Variants in LRP6 observed in about 807,000 individuals in gnomAD.
The protein encoded by LRP6 is LDL receptor related protein 6.
Under a neutral mutation model 184.1 loss-of-function variants are expected in LRP6, and 43 were observed. That is an observed-to-expected ratio of 0.23 (90% CI 0.18 to 0.30). The LOEUF (loss-of-function observed/expected upper bound fraction) is 0.30. Among genes scored for constraint, LRP6 ranks in the 10% least tolerant of loss-of-function variants. The pLI, the probability that LRP6 is intolerant of heterozygous loss-of-function variation, is 1.00. For missense variants in LRP6, 1,571 were observed against 2,005.3 expected (o/e 0.78, Z 4.14); for synonymous variants, 719 against 684.9 (o/e 1.05, Z -0.78).
At chr12:12,181,015 A>T in intron 6 of LRP6, 28 bp downstream of exon 6, 1 of 1,613,728 alleles carries the variant, frequency 6.2e-7, no homozygotes, top group South Asian at 1.1e-5. Flanking sequence ...AACACCACAC[A>T]GAATTTACTA....
At chr12:12,193,449 G>A (rs1863669264) in intron 3 of LRP6, among the ~76,000 whole-genome samples, 1 of 150,942 alleles carries the variant, frequency 6.6e-6, no homozygotes, top group African/African-American at 2.4e-5. Context: ...GAAGCTGGTT[G>A]TTCTTTGAAA....
intron 3 of LRP6, among the ~76,000 whole-genome samples, chr12:12,193,595 C>T (rs1402556962): frequency 2.6e-5 from 4 of 151,690 alleles, no homozygotes; most frequent in Admixed American, 1.3e-4. Context: ...TTAGGCAATA[C>T]CATAAACAAC....
chr12:12,254,284 G>C (rs1199364441), intron 1 of LRP6, among the ~76,000 whole-genome samples: 1 of 152,046 alleles, frequency 6.6e-6, no homozygotes, highest in Non-Finnish European at 1.5e-5. Context: ...CAAACAGCTA[G>C]TAGAAAAACA....
intron 3 of LRP6, among the ~76,000 whole-genome samples, chr12:12,198,925 T>C (rs1308008581): frequency 1.3e-5 from 2 of 152,180 alleles, no homozygotes; most frequent in Non-Finnish European, 2.9e-5. Flanking sequence ...AAAAATTTAT[T>C]GAAGATTTGA....
At chr12:12,123,674 T>G (rs1480348530) in intron 22 of LRP6, among the ~76,000 whole-genome samples, 2 of 152,212 alleles carry the variant, frequency 1.3e-5, no homozygotes, top group African/African-American at 2.4e-5. Flanking sequence ...AAGTGGAAGC[T>G]GACACAACAG....
chr12:12,161,454 G>A (rs1452709492), intron 10 of LRP6, among the ~76,000 whole-genome samples: 1 of 152,058 alleles, frequency 6.6e-6, no homozygotes, highest in Non-Finnish European at 1.5e-5. Context: ...ATCTTTAGTA[G>A]TTACGGGGTT....
At chr12:12,180,978 T>C (rs941998169) in intron 6 of LRP6, 65 bp downstream of exon 6, 1 of 1,560,028 alleles carries the variant, frequency 6.4e-7, no homozygotes, top group African/African-American at 1.4e-5. Context: ...TCTTAGTCAA[T>C]GTTTTCAGGA....
chr12:12,184,103 G>A lies in LRP6; in HGVS notation c.853C>T (p.Pro285Ser). Residue 285 changes from proline to serine, a missense_variant, in exon 5 of 23, where the codon CCA (proline) becomes TCA (serine). Pro to Ser is a moderately conservative substitution (Grantham distance 74). Coordinates refer to ENST00000261349, the MANE Select transcript of LRP6 (RefSeq NM_002336.3). Reference sequence around the variant, plus strand: ...CAACCCCCATTGTCAATTCCACATGGATTTGTGGCTGTCAAATATAAATCA... The same window carrying A: ...CAACCCCCATTGTCAATTCCACATGAATTTGTGGCTGTCAAATATAAATCA... ...SQQRQPNATN[P>S]CGIDNGGCSH... 6.2e-7 allele frequency: 1 copy of A among 1,613,264 alleles called. No individual in the cohort carries two copies.
intron 4 of LRP6, among the ~76,000 whole-genome samples, chr12:12,185,948 C>A (rs750660985): frequency 2.0e-5 from 3 of 151,184 alleles, no homozygotes; most frequent in Admixed American, 6.6e-5. Flanking sequence ...CGGGTTCAAG[C>A]GATTCTCCAG....
chr12:12,205,985 C>T (rs927783975), intron 2 of LRP6, among the ~76,000 whole-genome samples: 48 of 152,132 alleles, frequency 3.2e-4, no homozygotes, highest in Admixed American at 2.6e-3. Context: ...GTCACTATAC[C>T]TTTTCTATGT....
chr12:12,158,691 T>C (rs919346031), intron 12 of LRP6, 138 bp downstream of exon 12: 7 of 795,168 alleles, frequency 8.8e-6, no homozygotes, highest in Non-Finnish European at 1.2e-5. Context: ...AACACTTGCA[T>C]TCCCCTACCC....
In LRP6 at chr12:12,165,104, C is replaced by T. The variant is rs767037562; in HGVS notation, c.1737G>A (p.Lys579=). ...CAATCACTCGATGAACATTTGTAGC[C>T]TTTAGGCCCATGAGGTCAGGCAGCT... is the stretch of plus-strand genomic sequence containing the variant. ...IDQLPDLMGL[K]ATNVHRVIGS... The change falls in exon 8 of 23, where the codon AAG becomes AAA. Residue 579 remains lysine (K), a synonymous_variant. Transcript: ENST00000261349. 3.7e-6 allele frequency: 6 copies of T among 1,613,914 alleles called. No individual in the cohort carries two copies. In the Admixed American group the frequency reaches 6.7e-5, roughly 18 times the overall value.
intron 3 of LRP6, among the ~76,000 whole-genome samples, chr12:12,193,349 G>A (rs188002634): frequency 5.5e-4 from 82 of 149,640 alleles, no homozygotes; most frequent in Admixed American, 1.3e-3. Flanking sequence ...CAAGTGTAAG[G>A]AAGAAAATAA....
chr12:12,233,936 A>G (rs1864861708), intron 2 of LRP6, among the ~76,000 whole-genome samples: 1 of 152,138 alleles, frequency 6.6e-6, no homozygotes, highest in African/African-American at 2.4e-5. Context: ...ATGGTATACT[A>G]TGCACTGGCA....
intron 2 of LRP6, among the ~76,000 whole-genome samples, chr12:12,206,303 G>C (rs942682932): frequency 6.6e-6 from 1 of 151,746 alleles, no homozygotes; most frequent in Non-Finnish European, 1.5e-5. Flanking sequence ...AGCACTTTGG[G>C]AGGCCGAGGC....
Position 12,158,815 on chromosome 12 carries a change from G to A in LRP6, c.2791+14C>T. ...CTCTCATTCTAGCTTGCTTTGGAGGGAAATGCAGCTTACCACTACAAGTCC... is the reference window on the plus strand; with the variant it reads ...CTCTCATTCTAGCTTGCTTTGGAGGAAAATGCAGCTTACCACTACAAGTCC... On this transcript the variant is annotated intron_variant, in intron 12 of 22. Coordinates refer to ENST00000261349, the MANE Select transcript of LRP6 (RefSeq NM_002336.3). 1 of 1,612,806 alleles carries A rather than the reference G, an allele frequency of 6.2e-7. No individual in the cohort carries two copies. Among genetic ancestry groups the A allele is most frequent in the Non-Finnish European group, 8.5e-7 (1 of 1,178,938 alleles).
At position 12,165,305 on chromosome 12, in the gene LRP6, TAA is replaced by T; in HGVS notation, c.1546-12_1546-11del. ...CATCAGTATTCATAACCTTCAGGTT[TAA>T]ATTCAAAAGAGAAGGGGATGAATTA... On this transcript the variant is annotated splice_polypyrimidine_tract_variant and intron_variant, in intron 7 of 22. Coordinates refer to ENST00000261349, the MANE Select transcript of LRP6 (RefSeq NM_002336.3). 6.3e-7 allele frequency: 1 copy of T among 1,585,244 alleles called. No individual in the cohort carries two copies. The highest frequency in any genetic ancestry group is 1.1e-5 in the South Asian group (1 of 90,486).
At chr12:12,266,612 C>T in intron 1 of LRP6, 69 bp downstream of exon 1, 1 of 1,310,094 alleles carries the variant, frequency 7.6e-7, no homozygotes, top group Non-Finnish European at 1.1e-6. Flanking sequence ...TCCCCTCCCC[C>T]TAGACACATA....
At chr12:12,188,273 T>A (rs1243602941) in intron 3 of LRP6, among the ~76,000 whole-genome samples, 3 of 151,490 alleles carry the variant, frequency 2.0e-5, no homozygotes, top group Admixed American at 6.6e-5. Flanking sequence ...CAAATCACGT[T>A]TTGAGTCAAA....
Sources: allele counts gnomAD v4.1 joint callset (sites outside exome capture counted in the v4.1 genomes callset), GRCh38; gene constraint gnomAD v4.1.1; transcripts MANE v1.5; gene names NCBI Gene and HGNC (gene_info 2026-07-23, HGNC 2026-07-21).